INPP5D: variants seen among roughly 807,000 people sequenced by gnomAD.
INPP5D encodes the protein inositol polyphosphate-5-phosphatase D, also known as phosphatidylinositol 3,4,5-trisphosphate 5-phosphatase 1.
In INPP5D, 33 loss-of-function variants were observed where a neutral mutation model predicts 122.9. That is an observed-to-expected ratio of 0.27 (90% CI 0.20 to 0.36). INPP5D has a LOEUF of 0.36. INPP5D is among the 10% of genes least tolerant of loss of function. The pLI, the probability that INPP5D is intolerant of heterozygous loss-of-function variation, is 1.00. For missense variants in INPP5D, 1,053 were observed against 1,412.7 expected, an observed-to-expected ratio of 0.75 and a Z score of 4.08; for synonymous variants, 584 against 576.2, an observed-to-expected ratio of 1.01 and a Z score of -0.19.
At chr2:233,204,088 C>T in intron 25 of INPP5D, 38 bp from the exon 26 acceptor site, 1 of 1,470,478 alleles carries the variant, frequency 6.8e-7, no homozygotes, top group Non-Finnish European at 9.0e-7. Context: ...GTCTTCTCCC[C>T]TGGACATGTG....
chr2:233,060,421 G>A lies in INPP5D; in HGVS notation c.-58G>A, dbSNP rs1052664044. 39 of 1,524,114 alleles carry A rather than the reference G, an allele frequency of 2.6e-5. No homozygotes were observed. The East Asian group carries it at 3.7e-4, about 14-fold the overall frequency. 94.4% of individuals were successfully genotyped at this position (1,524,114 alleles called of 1,614,324 possible). On this transcript the variant is annotated 5_prime_UTR_variant, in exon 1 of 27. Coordinates refer to ENST00000445964, the MANE Select transcript of INPP5D (RefSeq NM_001017915.3). ...CAGTGGAGGGGCCTCCGCTCCCCTC[G>A]GTGGTGTGTGGGTCCTGGGGGTGCC...
intron 13 of INPP5D, among the ~76,000 whole-genome samples, chr2:233,165,498 CTATG>C (rs955247735): frequency 3.4e-5 from 5 of 147,388 alleles, no homozygotes; most frequent in African/African-American, 5.1e-5. Context: ...TTATGTGAGT[CTATG>C]TATGTGAGTC....
chr2:233,140,085 C>T (rs1395146534), intron 6 of INPP5D, 156 bp downstream of exon 6: 6 of 387,916 alleles, frequency 1.5e-5, no homozygotes, highest in African/African-American at 8.3e-5. Context: ...GGGTGGGAGC[C>T]TCAGCCCCTG....
intron 2 of INPP5D, among the ~76,000 whole-genome samples, chr2:233,115,282 G>A (rs775791458): frequency 1.6e-4 from 24 of 152,162 alleles, no homozygotes; most frequent in Admixed American, 1.4e-3. Flanking sequence ...CTAGCACCCC[G>A]GGGCTCCTGC....
chr2:233,126,449 T>C (rs1693161163), intron 4 of INPP5D, among the ~76,000 whole-genome samples: 1 of 152,200 alleles, frequency 6.6e-6, no homozygotes, highest in African/African-American at 2.4e-5. Flanking sequence ...GCTATGATAC[T>C]TGGCGTGTTC....
At chr2:233,086,972 T>C (rs935508475) in intron 2 of INPP5D, among the ~76,000 whole-genome samples, 63 of 152,280 alleles carry the variant, frequency 4.1e-4, no homozygotes, top group African/African-American at 1.4e-3. Flanking sequence ...TCAGACATCC[T>C]TGGGCTCAAC....
intron 18 of INPP5D, among the ~76,000 whole-genome samples, chr2:233,180,393 A>G (rs1337240638): frequency 2.0e-5 from 3 of 151,126 alleles, no homozygotes; most frequent in African/African-American, 4.9e-5. Context: ...TCAACCCATT[A>G]AATTCTCCCT....
intron 24 of INPP5D, 49 bp from the exon 25 acceptor site, chr2:233,198,046 C>T: frequency 1.3e-6 from 2 of 1,494,974 alleles, no homozygotes; most frequent in Non-Finnish European, 1.8e-6. Flanking sequence ...GGTGCTGACC[C>T]CGAGAAGGGA....
In INPP5D at chr2:233,185,690, C is replaced by T. The variant is rs573192281; in HGVS notation, c.2276-153C>T. On this transcript the variant is annotated intron_variant, in intron 20 of 26. Transcript: ENST00000445964. Reference sequence around the variant, plus strand: ...ACAGAATCCCCGGCAGGCCTGACTCCTAAATGATGCTGAGGCCCCGAGATA... The same window carrying T: ...ACAGAATCCCCGGCAGGCCTGACTCTTAAATGATGCTGAGGCCCCGAGATA... 1.1e-4 allele frequency among the ~76,000 whole-genome samples: 16 copies of T among 140,462 alleles called. No individual in the cohort carries two copies. In the East Asian group the frequency reaches 2.7e-3, roughly 24 times the overall value. The allele number at this position is 140,462 out of a possible 152,430, so 92.1% of individuals were successfully genotyped here.
rs143273416 is a variant in INPP5D at position 233,147,455 on chromosome 2, T to A, written c.907-16T>A. 1 of 703,892 alleles carries A rather than the reference T, an allele frequency of 1.4e-6. No homozygotes were observed. Among genetic ancestry groups the A allele is most frequent in the Non-Finnish European group, 2.6e-6 (1 of 384,818 alleles). 43.6% of individuals were successfully genotyped at this position (703,892 alleles called of 1,614,324 possible). On this transcript the variant is annotated splice_polypyrimidine_tract_variant and intron_variant, in intron 8 of 26. Transcript: ENST00000445964. Reference sequence around the variant, plus strand: ...AGGCAGAAAATCAATCAGTGACACATCTCTTCTCTTCTAAGGTGAAGGCAG... The same window carrying A: ...AGGCAGAAAATCAATCAGTGACACAACTCTTCTCTTCTAAGGTGAAGGCAG...
Position 233,117,697 on chromosome 2 carries a change from G to C in INPP5D, c.199-4410G>C, listed in dbSNP as rs1008146284. Reference sequence around the variant, plus strand: ...TTCTCCCCAAGTTCCCCCGTTTAATGAGACATCTGCCTCCTGCCGGGACTC... The same window carrying C: ...TTCTCCCCAAGTTCCCCCGTTTAATCAGACATCTGCCTCCTGCCGGGACTC... On this transcript the variant is annotated intron_variant, in intron 2 of 26. Coordinates refer to ENST00000445964, the MANE Select transcript of INPP5D (RefSeq NM_001017915.3). Among the ~76,000 whole-genome samples, 5 of 152,138 alleles carry C rather than the reference G, an allele frequency of 3.3e-5. No individual in the cohort carries two copies. The South Asian group carries it at 1.0e-3, about 31-fold the overall frequency.
intron 1 of INPP5D, among the ~76,000 whole-genome samples, chr2:233,066,256 A>T (rs535148049): frequency 1.3e-5 from 2 of 152,318 alleles, no homozygotes; most frequent in African/African-American, 4.8e-5. Flanking sequence ...ACGCAGCCTC[A>T]CATCAGCACC....
Position 233,122,151 on chromosome 2 carries a change from G to A in INPP5D, c.243G>A (p.Gln81=). The A allele has an allele frequency of 6.2e-7, 1 of 1,614,014 alleles. No individual in the cohort carries two copies. Residue 81 remains glutamine, a synonymous_variant, in exon 3 of 27, where the codon CAG becomes CAA. Transcript: ENST00000445964. ...TGAGGTTCTTCACCAAGCTGGACCAGCTCATCGAGTTTTACAAGAAGGAAA... is the reference window on the plus strand; with the variant it reads ...TGAGGTTCTTCACCAAGCTGGACCAACTCATCGAGTTTTACAAGAAGGAAA... ...VSMRFFTKLD[Q]LIEFYKKENM...
Position 233,170,192 on chromosome 2 carries a change from C to A in INPP5D, c.1791+28C>A, listed in dbSNP as rs772042994. The A allele has an allele frequency of 6.2e-7, 1 of 1,607,476 alleles. No individual in the cohort carries two copies. The highest frequency in any genetic ancestry group is 1.7e-5 in the Admixed American group (1 of 58,358). On this transcript the variant is annotated intron_variant, in intron 15 of 26. Coordinates refer to ENST00000445964, the MANE Select transcript of INPP5D (RefSeq NM_001017915.3). This position sits in a 1 kb window ranked among gnomAD's most constrained non-coding sequence, Gnocchi z 4.5. ...AAGGGCTGCCCGCCTGGGGCTGGGG[C>A]TGGGGCTGTATGAGATGGAGGCTCC...
intron 1 of INPP5D, among the ~76,000 whole-genome samples, chr2:233,064,880 A>G (rs142036460): frequency 6.6e-6 from 1 of 152,292 alleles, no homozygotes; most frequent in African/African-American, 2.4e-5. Flanking sequence ...AGTAAAATAG[A>G]CACTGTTAAT....
intron 17 of INPP5D, 148 bp downstream of exon 17, chr2:233,171,300 C>A: frequency 7.8e-7 from 1 of 1,284,882 alleles, no homozygotes; most frequent in Non-Finnish European, 1.0e-6. Context: ...ATTTGTGTTA[C>A]AGAGTAAATG....
rs77193713 is a variant in INPP5D, at chr2:233,134,041, C to T, written c.665+3393C>T. The T allele has an allele frequency of 2.3e-3, 1,045 of 455,954 alleles. 12 individuals carry two copies. The highest frequency in any genetic ancestry group is 0.019 in the African/African-American group (947 of 50,078). The allele number at this position is 455,954 out of a possible 1,614,324, so 28.2% of individuals were successfully genotyped here. Reference sequence around the variant, plus strand: ...TGCATGGCAAAGGTGTCAGATTTGCCGCTTGATTGGATGTGGGGTGAAGGG... The same window carrying T: ...TGCATGGCAAAGGTGTCAGATTTGCTGCTTGATTGGATGTGGGGTGAAGGG... On this transcript the variant is annotated intron_variant, in intron 5 of 26. Coordinates refer to ENST00000445964, the MANE Select transcript of INPP5D (RefSeq NM_001017915.3).
At chr2:233,133,839 G>T in intron 5 of INPP5D, 3 of 401,938 alleles carry the variant, frequency 7.5e-6, no homozygotes, top group Non-Finnish European at 1.5e-5. Context: ...AGTGAGACAG[G>T]ATGGCAGTCC....
chr2:233,104,208 A>T lies in INPP5D; in HGVS notation c.199-17899A>T, dbSNP rs141436779. ...GTATTTTTAGTAGAGATGGGATTTC[A>T]CCATGTTGGCCAGGCTGGTCTTGAA... is the stretch of plus-strand genomic sequence containing the variant. On this transcript the variant is annotated intron_variant, in intron 2 of 26. Coordinates refer to ENST00000445964, the MANE Select transcript of INPP5D (RefSeq NM_001017915.3). Among the ~76,000 whole-genome samples the T allele has an allele frequency of 6.2e-3, 935 of 151,780 alleles. 7 individuals carry two copies. The highest frequency in any genetic ancestry group is 0.022 in the African/African-American group (906 of 41,328).
Sources: gnomAD v4.1 joint callset for allele counts (sites outside exome capture counted in the v4.1 genomes callset) on GRCh38, gnomAD v4.1.1 for gene constraint, Gnocchi (gnomAD v3.1) non-coding constraint, MANE v1.5 for transcripts, NCBI Gene and HGNC (gene_info 2026-07-23, HGNC 2026-07-21) for gene names.